Variants in CNTNAP2 observed in about 807,000 individuals in gnomAD.
CNTNAP2 encodes the protein contactin associated protein 2, also known as contactin-associated protein-like 2.
A neutral mutation model predicts 155.2 loss-of-function variants in CNTNAP2; 98 were observed. That is an observed-to-expected ratio of 0.63 (90% CI 0.54 to 0.75). The LOEUF is 0.75. Ranked by LOEUF, CNTNAP2 falls within the 30% of genes least tolerant of loss-of-function variation. CNTNAP2 has a pLI of 0.00. For synonymous variants in CNTNAP2, 651 were observed against 631.2 expected (o/e 1.03, Z -0.47); for missense variants, 1,727 against 1,688.1 (o/e 1.02, Z -0.40).
At position 146,240,841 on chromosome 7, in the gene CNTNAP2, CTG is replaced by C. The variant is rs1328377810; in HGVS notation, c.97+123872_97+123873del. Among the ~76,000 whole-genome samples the C allele has an allele frequency of 2.0e-5, 3 of 152,196 alleles. No homozygotes were observed. In the East Asian group the frequency reaches 5.8e-4, roughly 29 times the overall value. ...CTTGCTTTGCTATAAATATCTGAGA[CTG>C]TGTAATTTATAAAGAAAATAGGTTT... On this transcript the variant is annotated intron_variant, in intron 1 of 23. Transcript: ENST00000361727.
rs1046520847 is a variant in CNTNAP2, at chr7:147,046,905, G to A, written c.550+2851G>A. On this transcript the variant is annotated intron_variant, in intron 4 of 23. Coordinates refer to ENST00000361727, the MANE Select transcript of CNTNAP2 (RefSeq NM_014141.6). ...AAATTAACTGGGCATTGTGGCGGGC[G>A]CCTGTAGTCCCAGCTACTCAGGAGG... is the stretch of plus-strand genomic sequence containing the variant. 1.1e-3 allele frequency among the ~76,000 whole-genome samples: 159 copies of A among 150,596 alleles called. 1 individual carries two copies. The Middle Eastern group carries it at 0.017, about 16-fold the overall frequency.
chr7:147,458,324 T>G (rs2116582118), intron 10 of CNTNAP2, among the ~76,000 whole-genome samples: 1 of 152,224 alleles, frequency 6.6e-6, no homozygotes, highest in Non-Finnish European at 1.5e-5. Context: ...TATGTCCAAT[T>G]TCATCCCAAA....
chr7:147,444,504 C>A (rs779639253), intron 10 of CNTNAP2, among the ~76,000 whole-genome samples: 3 of 140,354 alleles, frequency 2.1e-5, no homozygotes, highest in African/African-American at 2.7e-5. Context: ...TAACGTATTT[C>A]TTTTAGTCTA....
intron 1 of CNTNAP2, among the ~76,000 whole-genome samples, chr7:146,320,151 TA>T (rs1193389930): frequency 6.6e-6 from 1 of 152,166 alleles, no homozygotes; most frequent in Admixed American, 6.6e-5. Flanking sequence ...ATTATATCAT[TA>T]AAAAATTGAC....
chr7:146,292,862 C>T (rs576440466), intron 1 of CNTNAP2, among the ~76,000 whole-genome samples: 10 of 152,050 alleles, frequency 6.6e-5, no homozygotes, highest in African/African-American at 2.4e-4. Flanking sequence ...AGTGGTTATC[C>T]GAGACGCTGG....
At chr7:147,605,697 G>A (rs1801048003) in intron 12 of CNTNAP2, among the ~76,000 whole-genome samples, 1 of 152,046 alleles carries the variant, frequency 6.6e-6, no homozygotes, top group Admixed American at 6.6e-5. Context: ...CATTAGAAAG[G>A]GAAAGTTCAG....
At chr7:147,629,311 G>A (rs950063355) in intron 12 of CNTNAP2, among the ~76,000 whole-genome samples, 2 of 151,860 alleles carry the variant, frequency 1.3e-5, no homozygotes, top group South Asian at 2.1e-4. Context: ...GCTGAGGCAG[G>A]AGAATCACTT....
intron 21 of CNTNAP2, among the ~76,000 whole-genome samples, chr7:148,310,021 A>G (rs1174497975): frequency 6.6e-6 from 1 of 152,064 alleles, no homozygotes; most frequent in Non-Finnish European, 1.5e-5. Flanking sequence ...GTAAGGGGTG[A>G]TATTGTGGGG....
At chr7:147,978,935 A>G (rs1243620635) in intron 15 of CNTNAP2, among the ~76,000 whole-genome samples, 1 of 152,142 alleles carries the variant, frequency 6.6e-6, no homozygotes, top group African/African-American at 2.4e-5. Flanking sequence ...GGAGGCTGTG[A>G]ATATTTTAGT....
intron 9 of CNTNAP2, among the ~76,000 whole-genome samples, chr7:147,372,681 G>C (rs1005254104): frequency 6.6e-6 from 1 of 152,054 alleles, no homozygotes; most frequent in African/African-American, 2.4e-5. Context: ...AAGAGACCTT[G>C]TCTCCCTTGA....
intron 16 of CNTNAP2, among the ~76,000 whole-genome samples, chr7:148,142,526 G>A (rs1805096635): frequency 6.6e-6 from 1 of 152,156 alleles, no homozygotes; most frequent in Admixed American, 6.5e-5. Flanking sequence ...GATCCCCCAG[G>A]AAGCTGCCAC....
chr7:146,828,869 T>A (rs915824633), intron 2 of CNTNAP2, among the ~76,000 whole-genome samples: 8 of 152,064 alleles, frequency 5.3e-5, no homozygotes, highest in African/African-American at 1.9e-4. Context: ...GGTATGTTTG[T>A]TTTTACACTC....
chr7:147,975,322 T>TG (rs200112779), intron 14 of CNTNAP2, among the ~76,000 whole-genome samples: 4 of 151,858 alleles, frequency 2.6e-5, no homozygotes, highest in Middle Eastern at 3.2e-3. Flanking sequence ...GGGAAGGGCA[T>TG]GGGGGGTGCT....
chr7:147,123,359 C>T lies in CNTNAP2; in HGVS notation c.939+2196C>T, dbSNP rs138247759. 3.9e-3 allele frequency among the ~76,000 whole-genome samples: 588 copies of T among 152,234 alleles called. 3 individuals carry two copies. Among genetic ancestry groups the T allele is most frequent in the African/African-American group, 0.013 (532 of 41,540 alleles). On this transcript the variant is annotated intron_variant, in intron 6 of 23. Coordinates refer to ENST00000361727, the MANE Select transcript of CNTNAP2 (RefSeq NM_014141.6). ...AAATATAATTCTAATTTTCAAAAAA[C>T]CAAATTAAAAATTTGGGGTCATAAA...
At chr7:146,286,805 G>A (rs1240622858) in intron 1 of CNTNAP2, among the ~76,000 whole-genome samples, 1 of 152,080 alleles carries the variant, frequency 6.6e-6, no homozygotes, top group Non-Finnish European at 1.5e-5. Context: ...AAATCTATAT[G>A]TAATAATCAG....
intron 1 of CNTNAP2, among the ~76,000 whole-genome samples, chr7:146,376,809 A>G (rs1293996145): frequency 1.3e-5 from 2 of 152,144 alleles, no homozygotes; most frequent in South Asian, 2.1e-4. Flanking sequence ...CATGAATAGT[A>G]TTAAAATCCT....
chr7:146,215,399 A>G (rs955888091), intron 1 of CNTNAP2, among the ~76,000 whole-genome samples: 3 of 152,148 alleles, frequency 2.0e-5, no homozygotes, highest in Admixed American at 6.6e-5. Flanking sequence ...AATTCCTTCA[A>G]AAATATAATT....
intron 8 of CNTNAP2, among the ~76,000 whole-genome samples, chr7:147,215,219 C>T (rs1584797321): frequency 6.6e-6 from 1 of 152,104 alleles, no homozygotes; most frequent in East Asian, 1.9e-4. Flanking sequence ...ACCCAAAGTC[C>T]ATAGTTCACA....
chr7:147,077,833 T>C (rs564657632), intron 4 of CNTNAP2, among the ~76,000 whole-genome samples: 38 of 152,280 alleles, frequency 2.5e-4, no homozygotes, highest in African/African-American at 8.4e-4. Flanking sequence ...CTGGAACATA[T>C]AGCAAGTACT....
Sources: gnomAD v4.1 joint callset for allele counts (sites outside exome capture counted in the v4.1 genomes callset) on GRCh38, gnomAD v4.1.1 for gene constraint, MANE v1.5 for transcripts, NCBI Gene and HGNC (gene_info 2026-07-23, HGNC 2026-07-21) for gene names.